The following ULK4 variants were observed in gnomAD, a reference collection of about 807,000 sequenced individuals.
The protein encoded by ULK4 is unc-51 like kinase 4.
Under a neutral mutation model 160.6 loss-of-function variants are expected in ULK4, and 133 were observed. The observed-to-expected ratio is 0.83, with a 90% confidence interval of 0.72 to 0.96. ULK4 has a LOEUF of 0.96. Ranked by LOEUF, ULK4 falls within the 40% of genes least tolerant of loss-of-function variation. The probability of loss-of-function intolerance (pLI) is 0.00; values close to 1 mark genes in which losing one functional copy is unlikely to be tolerated. For synonymous variants in ULK4, 534 were observed against 539.8 expected (o/e 0.99, Z 0.15); for missense variants, 1,580 against 1,499.5 (o/e 1.05, Z -0.89).
chr3:41,668,368 C>G (rs986720828), intron 29 of ULK4, among the ~76,000 whole-genome samples: 1 of 152,182 alleles, frequency 6.6e-6, no homozygotes, highest in African/African-American at 2.4e-5. Flanking sequence ...TGGTCAACAA[C>G]AGATGGCATA....
intron 35 of ULK4, among the ~76,000 whole-genome samples, chr3:41,290,064 G>A (rs1418188072): frequency 3.3e-5 from 5 of 152,002 alleles, no homozygotes; most frequent in South Asian, 2.1e-4. Flanking sequence ...TAGGAGAGAC[G>A]GAGTTCCTCC....
chr3:41,697,592 A>T (rs943650527), intron 27 of ULK4, among the ~76,000 whole-genome samples: 2 of 152,178 alleles, frequency 1.3e-5, no homozygotes, highest in Non-Finnish European at 2.9e-5. Flanking sequence ...TTAATACTGA[A>T]GAAAGAAAAA....
At chr3:41,834,155 C>G (rs923163575) in intron 18 of ULK4, among the ~76,000 whole-genome samples, 4 of 151,700 alleles carry the variant, frequency 2.6e-5, no homozygotes, top group Non-Finnish European at 5.9e-5. Flanking sequence ...TCTTCACTTT[C>G]CAGTGTTCTA....
intron 32 of ULK4, 51 bp from the exon 33 acceptor site, chr3:41,463,304 G>T (rs766020629): frequency 6.4e-7 from 1 of 1,566,036 alleles, no homozygotes. Context: ...GTACACAAAT[G>T]TGTCATATGA....
chr3:41,349,838 A>T (rs2080873645), intron 35 of ULK4, among the ~76,000 whole-genome samples: 1 of 152,160 alleles, frequency 6.6e-6, no homozygotes. Context: ...CTTTCAATGA[A>T]ATAGCTTAAT....
chr3:41,246,943 CT>C lies in ULK4; in HGVS notation c.3813del (p.Ala1272ProfsTer10), dbSNP rs376498555. 1 of 1,613,682 alleles carries C rather than the reference CT, an allele frequency of 6.2e-7. No homozygotes were observed. Among genetic ancestry groups the C allele is most frequent in the African/African-American group, 1.3e-5 (1 of 74,954 alleles). ...AVAPLALEIL[Q>X]AVGH ...CACCTTCTTGCCTAGTGCCCAACGG[CT>C]TGGAGGATTTCCAGGGCCAAGGGAG... On this transcript the variant is annotated frameshift_variant, in exon 37 of 37. Transcript: ENST00000301831. LOFTEE classifies it high-confidence loss of function.
chr3:41,365,476 A>G (rs1322741563), intron 35 of ULK4, among the ~76,000 whole-genome samples: 2 of 152,246 alleles, frequency 1.3e-5, no homozygotes, highest in East Asian at 3.8e-4. Context: ...TTAATATAAC[A>G]TAGGAATAAA....
At chr3:41,316,862 A>T (rs913778764) in intron 35 of ULK4, among the ~76,000 whole-genome samples, 10 of 152,186 alleles carry the variant, frequency 6.6e-5, no homozygotes, top group African/African-American at 2.4e-4. Flanking sequence ...ACAGTGTCTG[A>T]CATATAATGG....
At chr3:41,824,535 G>C (rs1292025087) in intron 18 of ULK4, among the ~76,000 whole-genome samples, 2 of 152,208 alleles carry the variant, frequency 1.3e-5, no homozygotes, top group Non-Finnish European at 2.9e-5. Context: ...GCCTGGCTCG[G>C]AGGGTCCTAC....
Position 41,316,914 on chromosome 3 carries a change from A to G in ULK4, c.3679-67340T>C, listed in dbSNP as rs145303264. On this transcript the variant is annotated intron_variant, in intron 35 of 36. Transcript: ENST00000301831. ...TAAGTAAATGAGTTAACATCTTCAA[A>G]TATTTCCCTCTAGACTTTTGCTCTC... Among the ~76,000 whole-genome samples the G allele has an allele frequency of 5.7e-3, 861 of 152,238 alleles. 5 individuals are homozygous for G. The highest frequency in any genetic ancestry group is 8.6e-3 in the Non-Finnish European group (585 of 68,012).
At chr3:41,412,569 T>TTTTTTTTTTTTTTTTC in intron 34 of ULK4, among the ~76,000 whole-genome samples, 1 of 143,576 alleles carries the variant, frequency 7.0e-6, no homozygotes, top group Non-Finnish European at 1.5e-5. Context: ...TTTTTTTTTT[T>TTTTTTTTTTTTTTTTC]TTTTTTTTTG....
intron 35 of ULK4, among the ~76,000 whole-genome samples, chr3:41,318,206 A>T (rs891864326): frequency 6.6e-6 from 1 of 152,224 alleles, no homozygotes; most frequent in African/African-American, 2.4e-5. Flanking sequence ...GTGAGAAATA[A>T]ATAGTAATAG....
chr3:41,337,886 G>A (rs1464036604), intron 35 of ULK4, among the ~76,000 whole-genome samples: 1 of 152,126 alleles, frequency 6.6e-6, no homozygotes, highest in East Asian at 1.9e-4. Flanking sequence ...TGCATCAGGG[G>A]ATAGGCTGGT....
chr3:41,319,741 G>A (rs1450016384), intron 35 of ULK4, among the ~76,000 whole-genome samples: 1 of 152,108 alleles, frequency 6.6e-6, no homozygotes, highest in African/African-American at 2.4e-5. Context: ...AGAACTACAT[G>A]GGAGAAGTAT....
intron 17 of ULK4, among the ~76,000 whole-genome samples, chr3:41,837,395 C>A (rs1242862060): frequency 6.6e-6 from 1 of 152,064 alleles, no homozygotes; most frequent in Non-Finnish European, 1.5e-5. Flanking sequence ...TTACTTCTTT[C>A]CTCTCCTCCC....
intron 35 of ULK4, among the ~76,000 whole-genome samples, chr3:41,297,942 G>A (rs2079703715): frequency 6.6e-6 from 1 of 152,168 alleles, no homozygotes; most frequent in Non-Finnish European, 1.5e-5. Flanking sequence ...GCACCTATAG[G>A]TCAAAGGCCT....
chr3:41,342,454 A>G (rs1274780525), intron 35 of ULK4, among the ~76,000 whole-genome samples: 2 of 152,176 alleles, frequency 1.3e-5, no homozygotes, highest in East Asian at 3.8e-4. Context: ...TATTAGAACT[A>G]AAGTCATATA....
intron 25 of ULK4, among the ~76,000 whole-genome samples, chr3:41,708,979 CAGA>C (rs1189810711): frequency 6.6e-6 from 1 of 152,056 alleles, no homozygotes; most frequent in Non-Finnish European, 1.5e-5. Flanking sequence ...TCTATGGATA[CAGA>C]AGGTCTCAAC....
At chr3:41,961,550 A>ACCCCTCCCCCCCCCCCCCCCCCCCCCC (rs57463009) in intron 1 of ULK4, among the ~76,000 whole-genome samples, 1 of 124,686 alleles carries the variant, frequency 8.0e-6, no homozygotes, top group Non-Finnish European at 1.6e-5. Flanking sequence ...GTAGTCACTC[A>ACCCCTCCCCCCCCCCCCCCCCCCCCCC]CCCCCCCCCC....
Sources: allele counts gnomAD v4.1 joint callset (sites outside exome capture counted in the v4.1 genomes callset), GRCh38; gene constraint gnomAD v4.1.1; transcripts MANE v1.5; gene names NCBI Gene and HGNC (gene_info 2026-07-23, HGNC 2026-07-21).